Variants in SCAF4 observed in about 807,000 individuals in gnomAD.
SCAF4 encodes the protein SR-related and CTD-associated factor 4.
A neutral mutation model predicts 129.8 loss-of-function variants in SCAF4; 25 were observed. The observed-to-expected ratio is 0.19, with a 90% confidence interval of 0.14 to 0.27. SCAF4 has a LOEUF of 0.27. Among genes scored for constraint, SCAF4 ranks in the 10% least tolerant of loss-of-function variants. The probability of loss-of-function intolerance (pLI) is 1.00; values close to 1 mark genes in which losing one functional copy is unlikely to be tolerated. For missense variants in SCAF4, 1,246 were observed against 1,457.1 expected, an observed-to-expected ratio of 0.86 and a Z score of 2.36; for synonymous variants, 551 against 497.7, an observed-to-expected ratio of 1.11 and a Z score of -1.43.
In SCAF4 at chr21:31,685,422, T is replaced by C. The variant is rs1440987207; in HGVS notation, c.2272A>G (p.Thr758Ala). 1.9e-6 allele frequency: 3 copies of C among 1,611,000 alleles called. No individual in the cohort carries two copies. Among genetic ancestry groups the C allele is most frequent in the East Asian group, 4.5e-5 (2 of 44,832 alleles). The change falls in exon 18 of 20, where the codon ACT becomes GCT. Residue 758 changes from threonine to alanine, a missense_variant. Physicochemically the swap from Thr to Ala is moderately conservative, Grantham distance 58. Around this residue, in one of 6 missense-constraint regions of SCAF4, gnomAD observed 468 missense variants for 605.5 expected, o/e 0.77. Coordinates refer to ENST00000286835, the MANE Select transcript of SCAF4 (RefSeq NM_020706.2). Reference sequence around the variant, plus strand: ...CAGTTTGGGATGCTTATTGGTGGAGTGTGAGGAGGAGGAATGGATACTGGT... The same window carrying C: ...CAGTTTGGGATGCTTATTGGTGGAGCGTGAGGAGGAGGAATGGATACTGGT... ...TPPVSIPPPH[T>A]PPISIPNSTI...
At chr21:31,715,018 G>T (rs993026186) in intron 1 of SCAF4, among the ~76,000 whole-genome samples, 2 of 152,270 alleles carry the variant, frequency 1.3e-5, no homozygotes, top group Non-Finnish European at 2.9e-5. Context: ...ATTGGCTTTT[G>T]TATTAGTTTC....
In SCAF4 at chr21:31,696,754, G is replaced by C; in HGVS notation, c.778-4C>G. Reference sequence around the variant, plus strand: ...AGTCAAATCTATCAAGCAACTTCTGGAATAATTATGTCAATATTTCATTTT... The same window carrying C: ...AGTCAAATCTATCAAGCAACTTCTGCAATAATTATGTCAATATTTCATTTT... On this transcript the variant is annotated splice_region_variant and splice_polypyrimidine_tract_variant and intron_variant, in intron 7 of 19. Transcript: ENST00000286835. 1 of 1,594,512 alleles carries C rather than the reference G, an allele frequency of 6.3e-7. No homozygotes were observed. Among genetic ancestry groups the C allele is most frequent in the Non-Finnish European group, 8.6e-7 (1 of 1,166,544 alleles).
chr21:31,724,213 C>T (rs182854530), intron 1 of SCAF4, among the ~76,000 whole-genome samples: 2 of 152,248 alleles, frequency 1.3e-5, no homozygotes, highest in African/African-American at 4.8e-5. Flanking sequence ...ATCACAGCAG[C>T]ACAGTATTAA....
intron 15 of SCAF4, 54 bp from the exon 16 acceptor site, chr21:31,688,518 T>A: frequency 1.4e-6 from 2 of 1,443,386 alleles, no homozygotes; most frequent in Non-Finnish European, 9.6e-7. Flanking sequence ...TTTGTAACTT[T>A]AAATCTAGAA....
chr21:31,684,804 G>A (rs1454007561), intron 19 of SCAF4: 3 of 498,368 alleles, frequency 6.0e-6, no homozygotes, highest in Non-Finnish European at 1.1e-5. Context: ...TTTTATTCAA[G>A]ACAGACAAAC....
At chr21:31,702,779 A>G (rs989175621) in intron 4 of SCAF4, among the ~76,000 whole-genome samples, 3 of 152,180 alleles carry the variant, frequency 2.0e-5, no homozygotes, top group Non-Finnish European at 4.4e-5. Context: ...CAAAACTTAA[A>G]TTATGTGGCC....
At chr21:31,694,763 TA>T in intron 10 of SCAF4, 49 bp downstream of exon 10, 2 of 1,561,380 alleles carry the variant, frequency 1.3e-6, no homozygotes, top group Non-Finnish European at 1.8e-6. Flanking sequence ...AATCTGCATA[TA>T]AGTCAAGGCA....
intron 1 of SCAF4, among the ~76,000 whole-genome samples, chr21:31,709,410 T>C (rs1028418597): frequency 2.6e-5 from 4 of 151,726 alleles, no homozygotes; most frequent in South Asian, 4.2e-4. Context: ...ACTACTTCTC[T>C]GGTCATTAAA....
rs7278935 is a variant in SCAF4 at position 31,701,698 on chromosome 21, T to C, written c.600+78A>G. 4.1e-3 allele frequency: 5,863 copies of C among 1,441,590 alleles called. 201 individuals are homozygous for C. The African/African-American group carries it at 0.075, about 18-fold the overall frequency. The allele number at this position is 1,441,590 out of a possible 1,614,324, so 89.3% of individuals were successfully genotyped here. Reference sequence around the variant, plus strand: ...GTATTTTCTCCTTTCAATGTGCTTATTAATGAAGAATAGAAAACAAGAAGT... The same window carrying C: ...GTATTTTCTCCTTTCAATGTGCTTACTAATGAAGAATAGAAAACAAGAAGT... On this transcript the variant is annotated intron_variant, in intron 6 of 19. Coordinates refer to ENST00000286835, the MANE Select transcript of SCAF4 (RefSeq NM_020706.2).
chr21:31,707,260 T>C (rs975706330), intron 1 of SCAF4, among the ~76,000 whole-genome samples: 3 of 152,058 alleles, frequency 2.0e-5, no homozygotes, highest in Non-Finnish European at 4.4e-5. Context: ...GGCTGAGGCA[T>C]GAGAACTGCT....
chr21:31,726,950 A>T (rs767163539), intron 1 of SCAF4, among the ~76,000 whole-genome samples: 4 of 152,180 alleles, frequency 2.6e-5, no homozygotes, highest in Non-Finnish European at 5.9e-5. Context: ...CTCTCCTGCA[A>T]GTGGGAGGAG....
chr21:31,719,783 C>A (rs371767410), intron 1 of SCAF4, among the ~76,000 whole-genome samples: 17 of 152,158 alleles, frequency 1.1e-4, no homozygotes, highest in Non-Finnish European at 2.1e-4. Flanking sequence ...GGATTACAGG[C>A]GTGAGCCACC....
chr21:31,705,379 A>C, intron 3 of SCAF4, 44 bp downstream of exon 3: 1 of 916,266 alleles, frequency 1.1e-6, no homozygotes, highest in Non-Finnish European at 1.7e-6. Context: ...GTAAATTACA[A>C]ATCATATTGT....
At chr21:31,681,059 G>A (rs553937164) in intron 19 of SCAF4, among the ~76,000 whole-genome samples, 4 of 152,274 alleles carry the variant, frequency 2.6e-5, no homozygotes, top group Non-Finnish European at 4.4e-5. Context: ...GCACACCACT[G>A]CCTAGTAATT....
rs898936977 is a variant in SCAF4, at chr21:31,671,185, A to G, written c.*214T>C. 2.3e-6 allele frequency: 1 copy of G among 429,560 alleles called. No homozygotes were observed. The highest frequency in any genetic ancestry group is 2.0e-5 in the African/African-American group (1 of 49,244). 26.6% of individuals were successfully genotyped at this position (429,560 alleles called of 1,614,324 possible). A position where few individuals can be genotyped will look rare whatever the true frequency, so the allele number is the denominator to read the frequency against. On this transcript the variant is annotated 3_prime_UTR_variant, in exon 20 of 20. Coordinates refer to ENST00000286835, the MANE Select transcript of SCAF4 (RefSeq NM_020706.2). ...TTAAAGTCAAAACTTTTAAAAAGTT[A>G]CAGCAAAAAGGGTAATATTTATTCA...
At position 31,672,276 on chromosome 21, in the gene SCAF4, A is replaced by T; in HGVS notation, c.2567T>A (p.Leu856His). ...STGLLGARPG[L>H]IPLQRPPGMP... is the part of the protein sequence containing the mutation. The stretch of plus-strand genomic sequence containing the variant: ...TCCTGGAGGGCGCTGGAGTGGGATG[A>T]GACCGGGCCGGGCGCCAAGAAGACC... Residue 856 changes from leucine (L) to histidine (H), a missense_variant, in exon 20 of 20, where the codon CTC becomes CAC. By Grantham distance (99) the Leu-to-His change is moderately conservative. Coordinates refer to ENST00000286835, the MANE Select transcript of SCAF4 (RefSeq NM_020706.2). 6.2e-7 allele frequency: 1 copy of T among 1,614,002 alleles called. No homozygotes were observed. The highest frequency in any genetic ancestry group is 8.5e-7 in the Non-Finnish European group (1 of 1,179,984).
intron 13 of SCAF4, 50 bp downstream of exon 13, chr21:31,692,299 A>G (rs771305856): frequency 7.2e-7 from 1 of 1,389,670 alleles, no homozygotes; most frequent in East Asian, 2.3e-5. Flanking sequence ...TCATAAAATG[A>G]CATTAATCAC....
At position 31,671,857 on chromosome 21, in the gene SCAF4, C is replaced by G. The variant is rs763122050; in HGVS notation, c.2986G>C (p.Asp996His). 5.0e-6 allele frequency: 8 copies of G among 1,614,204 alleles called. No homozygotes were observed. The highest frequency in any genetic ancestry group is 6.8e-6 in the Non-Finnish European group (8 of 1,180,040). Residue 996 changes from aspartate (D) to histidine (H), a missense_variant, in exon 20 of 20, where the codon GAC becomes CAC. Around this residue, in one of 6 missense-constraint regions of SCAF4, gnomAD observed 339 missense variants for 325.0 expected, o/e 1.04. Coordinates refer to ENST00000286835, the MANE Select transcript of SCAF4 (RefSeq NM_020706.2). ...DNRQQFNSGRDQERFGRRSFG... is the reference protein window; with the variant it reads ...DNRQQFNSGRHQERFGRRSFG... ...GATCTTCTTCCAAACCTTTCTTGGT[C>G]TCTACCTGAATTGAACTGCTGCCTG...
chr21:31,729,875 G>C (rs1645512986), intron 1 of SCAF4, among the ~76,000 whole-genome samples: 1 of 152,158 alleles, frequency 6.6e-6, no homozygotes, highest in Admixed American at 6.5e-5. Context: ...TACTGATTGT[G>C]CCTTTTCAGG....
Sources: allele counts gnomAD v4.1 joint callset (sites outside exome capture counted in the v4.1 genomes callset), GRCh38; gene constraint gnomAD v4.1.1; regional missense constraint gnomAD v4.1.1; transcripts MANE v1.5; gene names NCBI Gene and HGNC (gene_info 2026-07-23, HGNC 2026-07-21).